Variants in FOXP2 observed in about 807,000 individuals in gnomAD.
FOXP2 encodes the protein forkhead box protein P2.
Under a neutral mutation model 115.8 loss-of-function variants are expected in FOXP2, and 12 were observed. The observed-to-expected ratio is 0.10, with a 90% CI of 0.07 to 0.17. The LOEUF is 0.17. FOXP2 is among the 10% of genes least tolerant of loss of function. The pLI, the probability that FOXP2 is intolerant of heterozygous loss-of-function variation, is 1.00. For missense variants in FOXP2, 629 were observed against 843.5 expected (o/e 0.75, Z 3.15); for synonymous variants, 328 against 297.7 (o/e 1.10, Z -1.05).
At chr7:114,162,275 CA>C (rs1390684226), upstream of FOXP2, among the ~76,000 whole-genome samples, 2 of 152,044 alleles carry the variant, frequency 1.3e-5, no homozygotes, top group Non-Finnish European at 2.9e-5. Flanking sequence ...TGCATTTTTA[CA>C]TCTTGTAAAT....
At chr7:114,634,924 T>C (rs932089747) in intron 6 of FOXP2, among the ~76,000 whole-genome samples, 2 of 152,156 alleles carry the variant, frequency 1.3e-5, no homozygotes, top group Non-Finnish European at 2.9e-5. Flanking sequence ...GGAATACATG[T>C]GGTGATGATT....
chr7:114,218,462 C>T (rs552682760), intron 1 of FOXP2, among the ~76,000 whole-genome samples: 2 of 152,154 alleles, frequency 1.3e-5, no homozygotes, highest in African/African-American at 4.8e-5. Flanking sequence ...TGGCTTATGG[C>T]AGTAGCATGT....
intron 10 of FOXP2, among the ~76,000 whole-genome samples, chr7:114,655,478 G>A (rs779809109): frequency 6.6e-6 from 1 of 152,086 alleles, no homozygotes; most frequent in Non-Finnish European, 1.5e-5. Flanking sequence ...TCTTAGATGA[G>A]CGATTTAAAA....
At chr7:114,612,438 C>CATAT (rs537668174) in intron 3 of FOXP2, among the ~76,000 whole-genome samples, 1 of 151,488 alleles carries the variant, frequency 6.6e-6, no homozygotes, top group South Asian at 2.1e-4. Flanking sequence ...CACACACACA[C>CATAT]ATATATATAT....
At chr7:114,151,933 C>T (rs1792539274) in intron 1 of FOXP2, among the ~76,000 whole-genome samples, 1 of 151,974 alleles carries the variant, frequency 6.6e-6, no homozygotes, top group East Asian at 1.9e-4. Context: ...AAATAGTAAT[C>T]TCAGTGGAAA....
chr7:114,586,139 C>G (rs1170866925), intron 3 of FOXP2, among the ~76,000 whole-genome samples: 1 of 152,078 alleles, frequency 6.6e-6, no homozygotes, highest in Middle Eastern at 3.2e-3. Context: ...ATACAACTAA[C>G]TTGCTTGACC....
intron 2 of FOXP2, among the ~76,000 whole-genome samples, chr7:114,505,329 A>G (rs541347819): frequency 1.3e-5 from 2 of 151,676 alleles, no homozygotes; most frequent in Admixed American, 6.6e-5. Context: ...CAGGATTTCT[A>G]CTTGGCAACA....
chr7:114,087,061 C>A (rs1226682255), upstream of FOXP2, among the ~76,000 whole-genome samples: 1 of 152,140 alleles, frequency 6.6e-6, no homozygotes, highest in Non-Finnish European at 1.5e-5. Flanking sequence ...CGCACCCCCA[C>A]CCCCAACCTC....
chr7:114,514,893 G>A (rs1422685882), intron 2 of FOXP2, among the ~76,000 whole-genome samples: 1 of 140,202 alleles, frequency 7.1e-6, no homozygotes, highest in Non-Finnish European at 1.5e-5. Context: ...ACAGTCCTCA[G>A]AGTGTGATGT....
At chr7:114,563,128 C>T (rs1454323011) in intron 3 of FOXP2, among the ~76,000 whole-genome samples, 2 of 152,144 alleles carry the variant, frequency 1.3e-5, no homozygotes, top group African/African-American at 4.8e-5. Context: ...ATGGGAAATA[C>T]CTGCCCCCAT....
At chr7:114,426,466 A>C in intron 1 of FOXP2, 36 bp from the exon 2 acceptor site, 2 of 1,589,850 alleles carry the variant, frequency 1.3e-6, no homozygotes, top group Non-Finnish European at 1.7e-6. Context: ...GTGAAGGTGT[A>C]ACGTGTGTTA....
chr7:114,349,091 A>AT (rs1470263917), intron 2 of FOXP2, among the ~76,000 whole-genome samples: 5 of 152,040 alleles, frequency 3.3e-5, no homozygotes, highest in African/African-American at 1.2e-4. Flanking sequence ...AGTTTCAGAC[A>AT]TTGTTCCTGT....
chr7:114,642,890 G>C lies in FOXP2; in HGVS notation c.989+267G>C, dbSNP rs1348295119. ...GTGGCACAATCTTGGCTCACTGCAA[G>C]CTCCGCCTCCCGGGTTCCTGCCATT... On this transcript the variant is annotated intron_variant, in intron 7 of 16. Transcript: ENST00000350908. Among the ~76,000 whole-genome samples the C allele has an allele frequency of 2.3e-3, 327 of 142,424 alleles. 1 individual carries two copies. The highest frequency in any genetic ancestry group is 8.3e-3 in the African/African-American group (317 of 38,300). 93.4% of individuals were successfully genotyped at this position (142,424 alleles called of 152,430 possible). A position where few individuals can be genotyped will look rare whatever the true frequency, so the allele number is the denominator to read the frequency against.
At chr7:114,564,088 CAAA>C (rs1800883518) in intron 3 of FOXP2, among the ~76,000 whole-genome samples, 5 of 152,170 alleles carry the variant, frequency 3.3e-5, no homozygotes, top group African/African-American at 7.2e-5. Flanking sequence ...AACAAACAAA[CAAA>C]AAACACTACT....
At chr7:114,223,808 A>G (rs113703453) in intron 1 of FOXP2, among the ~76,000 whole-genome samples, 1 of 151,662 alleles carries the variant, frequency 6.6e-6, no homozygotes, top group Non-Finnish European at 1.5e-5. Flanking sequence ...ATTTTGATGA[A>G]GTGAAAATTT....
chr7:114,305,225 A>G (rs1368397507), intron 2 of FOXP2, among the ~76,000 whole-genome samples: 10 of 152,142 alleles, frequency 6.6e-5, no homozygotes, highest in Admixed American at 5.9e-4. Context: ...ACAGATCAAT[A>G]GATTTACCAA....
chr7:114,111,412 A>G (rs1791264800), intron 1 of FOXP2, among the ~76,000 whole-genome samples: 1 of 152,148 alleles, frequency 6.6e-6, no homozygotes, highest in Non-Finnish European at 1.5e-5. Context: ...ATTCAGCTGC[A>G]TGAGTAAGCC....
intron 2 of FOXP2, among the ~76,000 whole-genome samples, chr7:114,366,896 G>A (rs956953660): frequency 1.3e-5 from 2 of 151,868 alleles, no homozygotes; most frequent in African/African-American, 2.4e-5. Context: ...TTATACTACA[G>A]CCTTTAAAGC....
chr7:114,537,663 G>A (rs1007459377), intron 3 of FOXP2, among the ~76,000 whole-genome samples: 2 of 151,538 alleles, frequency 1.3e-5, no homozygotes, highest in Non-Finnish European at 1.5e-5. Flanking sequence ...ATAGATATTA[G>A]CATGTCTAAT....
Sources: gnomAD v4.1 joint callset for allele counts (sites outside exome capture counted in the v4.1 genomes callset) on GRCh38, gnomAD v4.1.1 for gene constraint, MANE v1.5 for transcripts, NCBI Gene and HGNC (gene_info 2026-07-23, HGNC 2026-07-21) for gene names.